Variants in CACNA1C observed in about 807,000 individuals in gnomAD.
CACNA1C encodes the protein calcium voltage-gated channel subunit alpha1 C.
In CACNA1C, 30 loss-of-function variants were observed where a neutral mutation model predicts 229.0. That is an observed-to-expected ratio of 0.13 (90% CI 0.10 to 0.18). CACNA1C has a LOEUF of 0.18. Among genes scored for constraint, CACNA1C ranks in the 10% least tolerant of loss-of-function variants. CACNA1C has a pLI of 1.00. For synonymous variants in CACNA1C, 1,114 were observed against 1,132.5 expected, an observed-to-expected ratio of 0.98 and a Z score of 0.33; for missense variants, 1,658 against 2,845.0, an observed-to-expected ratio of 0.58 and a Z score of 9.49.
intron 3 of CACNA1C, among the ~76,000 whole-genome samples, chr12:2,252,559 C>T (rs1236089777): frequency 6.6e-6 from 1 of 152,152 alleles, no homozygotes; most frequent in East Asian, 1.9e-4. Context: ...CATTTGTCCT[C>T]CACTGTCTAT....
intron 29 of CACNA1C, among the ~76,000 whole-genome samples, chr12:2,629,843 A>G (rs982239855): frequency 2.6e-5 from 4 of 152,236 alleles, no homozygotes; most frequent in Admixed American, 6.5e-5. Flanking sequence ...TCTGATGTCA[A>G]TAACAATTTG....
At chr12:2,382,977 C>A (rs180912736) in intron 3 of CACNA1C, among the ~76,000 whole-genome samples, 48 of 152,112 alleles carry the variant, frequency 3.2e-4, no homozygotes, top group Non-Finnish European at 2.5e-4. Context: ...CAGGCTGGAC[C>A]AAGGCCACTT....
chr12:2,124,944 A>G (rs561861825), intron 3 of CACNA1C, among the ~76,000 whole-genome samples: 1 of 152,200 alleles, frequency 6.6e-6, no homozygotes, highest in Non-Finnish European at 1.5e-5. Context: ...TATGCTGAGG[A>G]TGGAGACTTG....
At chr12:2,422,108 A>G (rs997064207) in intron 3 of CACNA1C, among the ~76,000 whole-genome samples, 6 of 152,226 alleles carry the variant, frequency 3.9e-5, no homozygotes, top group African/African-American at 1.4e-4. Context: ...TAGAAACAAA[A>G]TGCGGCCCAT....
At chr12:2,393,522 C>A (rs1013415414) in intron 3 of CACNA1C, among the ~76,000 whole-genome samples, 1 of 152,198 alleles carries the variant, frequency 6.6e-6, no homozygotes, top group Non-Finnish European at 1.5e-5. Context: ...AGCTTACCCC[C>A]ACTCCTTGCT....
intron 3 of CACNA1C, among the ~76,000 whole-genome samples, chr12:2,197,377 C>T (rs2097440416): frequency 6.6e-6 from 1 of 152,196 alleles, no homozygotes; most frequent in South Asian, 2.1e-4. Context: ...TGACTGTTGA[C>T]AATGCTCAGT....
At chr12:2,570,675 G>C (rs2053866351) in intron 13 of CACNA1C, among the ~76,000 whole-genome samples, 2 of 152,262 alleles carry the variant, frequency 1.3e-5, no homozygotes, top group South Asian at 2.1e-4. Flanking sequence ...TGTATAGTCT[G>C]GTTGGGGAGA....
intron 3 of CACNA1C, among the ~76,000 whole-genome samples, chr12:2,330,268 C>T (rs16929276): frequency 0.12 from 18,070 of 152,134 alleles, 2,868 homozygotes; most frequent in African/African-American, 0.37. Flanking sequence ...CCTGCGTTCT[C>T]GTAGGAAATG....
Position 2,512,711 on chromosome 12 carries a change from T to C in CACNA1C, c.1218-101T>C, listed in dbSNP as rs2099787477. 1 of 897,266 alleles carries C rather than the reference T, an allele frequency of 1.1e-6. No homozygotes were observed. Among genetic ancestry groups the C allele is most frequent in the Non-Finnish European group, 1.7e-6 (1 of 605,026 alleles). The allele number at this position is 897,266 out of a possible 1,614,324, so 55.6% of individuals were successfully genotyped here. On this transcript the variant is annotated intron_variant, in intron 8 of 46. Transcript: ENST00000399655. This position sits in a 1 kb window ranked among gnomAD's most constrained non-coding sequence, Gnocchi z 4.3. Reference sequence around the variant, plus strand: ...CTCCCTGCAAAGCAATTAAGACTCTTGTTTCTCCTTATCTCCATCTCTCCT... The same window carrying C: ...CTCCCTGCAAAGCAATTAAGACTCTCGTTTCTCCTTATCTCCATCTCTCCT...
intron 30 of CACNA1C, among the ~76,000 whole-genome samples, chr12:2,644,361 C>A (rs1308664130): frequency 1.3e-5 from 2 of 152,202 alleles, no homozygotes; most frequent in African/African-American, 4.8e-5. Flanking sequence ...GGCCACCTGA[C>A]CGCAGGAGAG....
At chr12:2,222,862 G>C (rs1432426724) in intron 3 of CACNA1C, among the ~76,000 whole-genome samples, 1 of 152,236 alleles carries the variant, frequency 6.6e-6, no homozygotes, top group Non-Finnish European at 1.5e-5. Context: ...TGGTTCAGCT[G>C]TTCTGTTACA....
At chr12:2,232,227 G>GTTTTTTTTTTTTTT (rs1169407536) in intron 3 of CACNA1C, among the ~76,000 whole-genome samples, 31 of 73,566 alleles carry the variant, frequency 4.2e-4, no homozygotes, top group African/African-American at 5.5e-4. Flanking sequence ...GTCTTTCCTT[G>GTTTTTTTTTTTTTT]TTTTTTTTTT....
intron 3 of CACNA1C, among the ~76,000 whole-genome samples, chr12:2,409,466 G>A (rs1226979429): frequency 2.0e-5 from 3 of 152,230 alleles, no homozygotes; most frequent in African/African-American, 7.2e-5. Flanking sequence ...CACCGTAGGT[G>A]TGCCCTCCTT....
At chr12:2,079,057 CTTATAG>C (rs1380012020) in intron 1 of CACNA1C, among the ~76,000 whole-genome samples, 3 of 140,710 alleles carry the variant, frequency 2.1e-5, no homozygotes, top group African/African-American at 8.0e-5. Context: ...CATGTTCTCA[CTTATAG>C]GTGGGAATTG....
rs574892982 is a variant in CACNA1C, at chr12:2,694,127, G to A, written c.*2928G>A. 3 of 152,362 alleles carry A rather than the reference G, an allele frequency of 2.0e-5. No homozygotes were observed. The highest frequency in any genetic ancestry group is 6.5e-5 in the Admixed American group (1 of 15,308). The allele number at this position is 152,362 out of a possible 1,614,324, so 9.4% of individuals were successfully genotyped here. A position where few individuals can be genotyped will look rare whatever the true frequency, so the allele number is the denominator to read the frequency against. On this transcript the variant is annotated 3_prime_UTR_variant, in exon 47 of 47. Coordinates refer to ENST00000399655, the MANE Select transcript of CACNA1C (RefSeq NM_000719.7). Reference sequence around the variant, plus strand: ...AGATTTCTACCAGGAGGTACACACAGGCGTTCCCTGTCTAGGGCAGGAGGA... The same window carrying A: ...AGATTTCTACCAGGAGGTACACACAAGCGTTCCCTGTCTAGGGCAGGAGGA...
At chr12:2,308,031 G>A (rs1303640749) in intron 3 of CACNA1C, among the ~76,000 whole-genome samples, 2 of 152,174 alleles carry the variant, frequency 1.3e-5, no homozygotes, top group Non-Finnish European at 2.9e-5. Flanking sequence ...ATGTGGTTTT[G>A]ATGCAGTTCA....
chr12:2,423,971 T>A (rs1273680724), intron 3 of CACNA1C, among the ~76,000 whole-genome samples: 1 of 152,110 alleles, frequency 6.6e-6, no homozygotes, highest in African/African-American at 2.4e-5. Flanking sequence ...ATGGACAAGC[T>A]CGTGCTCCCT....
chr12:2,302,311 G>T (rs1047312177), intron 3 of CACNA1C, among the ~76,000 whole-genome samples: 3 of 151,762 alleles, frequency 2.0e-5, no homozygotes, highest in African/African-American at 7.3e-5. Flanking sequence ...GGAACATAAG[G>T]TCATGCCATA....
intron 3 of CACNA1C, among the ~76,000 whole-genome samples, chr12:2,407,858 T>C (rs1488170597): frequency 1.3e-5 from 2 of 152,240 alleles, no homozygotes; most frequent in Non-Finnish European, 2.9e-5. Flanking sequence ...GAGAAATGTC[T>C]ATTCAAATCC....
Sources: allele counts gnomAD v4.1 joint callset (sites outside exome capture counted in the v4.1 genomes callset), GRCh38; gene constraint gnomAD v4.1.1; non-coding constraint Gnocchi (gnomAD v3.1); transcripts MANE v1.5; gene names NCBI Gene and HGNC (gene_info 2026-07-23, HGNC 2026-07-21).